The following ZMYM2 variants were observed in gnomAD, a reference collection of about 807,000 sequenced individuals.
ZMYM2 encodes the protein zinc finger MYM-type protein 2.
In ZMYM2, 56 loss-of-function variants were observed where a neutral mutation model predicts 162.8. That is an observed-to-expected ratio of 0.34 (90% CI 0.28 to 0.43). ZMYM2 has a LOEUF of 0.43. ZMYM2 is among the 20% of genes least tolerant of loss of function. ZMYM2 has a pLI of 1.00. For missense variants in ZMYM2, 1,275 were observed against 1,621.8 expected (o/e 0.79, Z 3.67); for synonymous variants, 510 against 541.6 (o/e 0.94, Z 0.81).
intron 21 of ZMYM2, among the ~76,000 whole-genome samples, chr13:20,080,480 A>C (rs930914324): frequency 6.6e-6 from 1 of 151,768 alleles, no homozygotes; most frequent in Non-Finnish European, 1.5e-5. Context: ...TGAATCCGAC[A>C]ATATCTGTCT....
intron 12 of ZMYM2, among the ~76,000 whole-genome samples, chr13:20,037,658 G>T (rs1190028650): frequency 6.6e-6 from 1 of 152,050 alleles, no homozygotes; most frequent in Non-Finnish European, 1.5e-5. Context: ...CTTTAAAATT[G>T]AAAAGAACAC....
the ZMYM2 span, among the ~76,000 whole-genome samples, chr13:19,876,368 G>A: frequency 6.6e-6 from 1 of 150,874 alleles, no homozygotes; most frequent in Non-Finnish European, 1.5e-5. Flanking sequence ...TGTCACCCAG[G>A]CCGGAATGCA....
At chr13:19,892,333 G>T in the ZMYM2 span, among the ~76,000 whole-genome samples, 29 of 151,664 alleles carry the variant, frequency 1.9e-4, no homozygotes, top group East Asian at 1.7e-3. Flanking sequence ...GTGCAGTGGC[G>T]CAATCTCGGC....
At chr13:19,899,907 T>C in the ZMYM2 span, among the ~76,000 whole-genome samples, 1 of 149,532 alleles carries the variant, frequency 6.7e-6, no homozygotes, top group African/African-American at 2.5e-5. Context: ...AATTGATTAA[T>C]CTTTAAGTAC....
chr13:20,027,627 G>T (rs1952703857), intron 9 of ZMYM2, among the ~76,000 whole-genome samples: 1 of 152,056 alleles, frequency 6.6e-6, no homozygotes, highest in Non-Finnish European at 1.5e-5. Context: ...ACCGTAAGGG[G>T]AACTGTTATG....
chr13:20,043,782 C>G (rs1954505031), intron 12 of ZMYM2, among the ~76,000 whole-genome samples: 1 of 151,998 alleles, frequency 6.6e-6, no homozygotes, highest in African/African-American at 2.4e-5. Flanking sequence ...CTGGGTGAGG[C>G]AAGCAAAACC....
chr13:20,063,107 T>C, intron 18 of ZMYM2, 136 bp downstream of exon 18: 1 of 1,115,566 alleles, frequency 9.0e-7, no homozygotes, highest in Non-Finnish European at 1.2e-6. Context: ...TAAACTCACC[T>C]TAAGAGTTAA....
chr13:19,984,400 A>G (rs968231589), intron 2 of ZMYM2, among the ~76,000 whole-genome samples: 2 of 152,232 alleles, frequency 1.3e-5, no homozygotes, highest in Non-Finnish European at 2.9e-5. Context: ...CTGAGGTACA[A>G]GCACCAGTTG....
intron 12 of ZMYM2, among the ~76,000 whole-genome samples, chr13:20,045,242 T>G (rs1954660522): frequency 6.6e-6 from 1 of 152,160 alleles, no homozygotes; most frequent in Non-Finnish European, 1.5e-5. Context: ...CTTTAATATC[T>G]GCAATTCACC....
chr13:19,979,947 C>T (rs1180516505), intron 2 of ZMYM2, among the ~76,000 whole-genome samples: 1 of 152,120 alleles, frequency 6.6e-6, no homozygotes, highest in African/African-American at 2.4e-5. Flanking sequence ...TCTTGCCACA[C>T]CATTTCGCCT....
intron 6 of ZMYM2, among the ~76,000 whole-genome samples, chr13:20,008,851 T>C (rs1950952684): frequency 6.6e-6 from 1 of 151,996 alleles, no homozygotes; most frequent in African/African-American, 2.4e-5. Context: ...ATAAATGAAT[T>C]AAATAGTCAA....
intron 12 of ZMYM2, among the ~76,000 whole-genome samples, chr13:20,044,668 G>T (rs907978404): frequency 6.6e-6 from 1 of 152,190 alleles, no homozygotes; most frequent in African/African-American, 2.4e-5. Context: ...TAGTCAGAAA[G>T]ATTACAAGAA....
the ZMYM2 span, among the ~76,000 whole-genome samples, chr13:19,916,045 C>T: frequency 0.018 from 2,771 of 151,746 alleles, 75 homozygotes; most frequent in African/African-American, 0.063. Context: ...ATTTTTTTAG[C>T]AGAGATGAGG....
chr13:19,986,595 T>C (rs940380933), intron 2 of ZMYM2, among the ~76,000 whole-genome samples: 1 of 152,206 alleles, frequency 6.6e-6, no homozygotes, highest in African/African-American at 2.4e-5. Flanking sequence ...TTTTTAACAT[T>C]TCTATTACAG....
At chr13:19,971,258 ATATATTTTTTT>A (rs1415211965) in intron 2 of ZMYM2, among the ~76,000 whole-genome samples, 1 of 104,204 alleles carries the variant, frequency 9.6e-6, no homozygotes, top group East Asian at 5.3e-4. Flanking sequence ...ATATATATAT[ATATATTTTTTT>A]TTTTTTTTTT....
At chr13:19,959,070 T>C (rs907877389) in intron 1 of ZMYM2, among the ~76,000 whole-genome samples, 5 of 150,774 alleles carry the variant, frequency 3.3e-5, no homozygotes, top group Non-Finnish European at 5.9e-5. Context: ...GCTGCGCTCA[T>C]GTCACAGGCG....
At chr13:19,916,871 T>C in the ZMYM2 span, among the ~76,000 whole-genome samples, 1 of 152,220 alleles carries the variant, frequency 6.6e-6, no homozygotes, top group Non-Finnish European at 1.5e-5. Context: ...TTAAAAAATA[T>C]ATAAAAATAA....
At chr13:19,906,515 A>G in the ZMYM2 span, among the ~76,000 whole-genome samples, 1 of 138,136 alleles carries the variant, frequency 7.2e-6, no homozygotes, top group Non-Finnish European at 1.5e-5. Flanking sequence ...TGTTTTCTAT[A>G]TATCACACAT....
chr13:20,088,186 A>G lies in ZMYM2; in HGVS notation c.*2172A>G. The G allele has an allele frequency of 4.8e-6, 1 of 206,408 alleles. No homozygotes were observed. The allele number at this position is 206,408 out of a possible 1,614,324, so 12.8% of individuals were successfully genotyped here. On this transcript the variant is annotated 3_prime_UTR_variant, in exon 25 of 25. Coordinates refer to ENST00000610343, the MANE Select transcript of ZMYM2 (RefSeq NM_197968.4). ...AGCTCTTGTCTTTGTCTTGATTGCA[A>G]TCCAACGATAGATTAACTTGATTCT...
Sources: gnomAD v4.1 joint callset for allele counts (sites outside exome capture counted in the v4.1 genomes callset) on GRCh38, gnomAD v4.1.1 for gene constraint, MANE v1.5 for transcripts, NCBI Gene and HGNC (gene_info 2026-07-23, HGNC 2026-07-21) for gene names.